Variants in SEPTIN9 observed in about 807,000 individuals in gnomAD.
SEPTIN9 encodes the protein septin 9, also known as septin-9.
In SEPTIN9, 13 loss-of-function variants were observed where a neutral mutation model predicts 56.6. The observed-to-expected ratio is 0.23, with a 90% CI of 0.15 to 0.37. The LOEUF (loss-of-function observed/expected upper bound fraction) is 0.37, where lower values mean the gene tolerates loss of function less well. Among genes scored for constraint, SEPTIN9 ranks in the 10% least tolerant of loss-of-function variants. The pLI, the probability that SEPTIN9 is intolerant of heterozygous loss-of-function variation, is 1.00. For synonymous variants in SEPTIN9, 332 were observed against 334.1 expected (o/e 0.99, Z 0.07); for missense variants, 650 against 823.1 (o/e 0.79, Z 2.57).
chr17:77,378,471 C>T (rs981010695), intron 2 of SEPTIN9, among the ~76,000 whole-genome samples: 5 of 152,140 alleles, frequency 3.3e-5, no homozygotes, highest in Admixed American at 2.0e-4. Context: ...CTGCCTCCTA[C>T]GGGTGTGGTG....
chr17:77,396,626 G>C (rs1296959070), intron 2 of SEPTIN9, among the ~76,000 whole-genome samples: 1 of 152,160 alleles, frequency 6.6e-6, no homozygotes, highest in Non-Finnish European at 1.5e-5. Flanking sequence ...CAGGACCCAG[G>C]GCGCAGTCTT....
intron 2 of SEPTIN9, chr17:77,322,549 G>A (rs1024251176): frequency 2.6e-5 from 4 of 152,268 alleles, no homozygotes; most frequent in Non-Finnish European, 5.9e-5. Flanking sequence ...CTTTAGCGCT[G>A]GTCTTTAATT....
At chr17:77,351,840 A>G (rs998779201) in intron 2 of SEPTIN9, among the ~76,000 whole-genome samples, 2 of 152,230 alleles carry the variant, frequency 1.3e-5, no homozygotes, top group Non-Finnish European at 2.9e-5. Context: ...CCAAGTGTGA[A>G]CAGGAGAGAG....
At chr17:77,342,651 A>C (rs1326163724) in intron 2 of SEPTIN9, among the ~76,000 whole-genome samples, 1 of 152,188 alleles carries the variant, frequency 6.6e-6, no homozygotes, top group East Asian at 1.9e-4. Context: ...GGGATCACAA[A>C]GGGGTGACAT....
Position 77,433,542 on chromosome 17 carries a change from C to T in SEPTIN9, c.721+30839C>T, listed in dbSNP as rs1405262382. 1.1e-4 allele frequency among the ~76,000 whole-genome samples: 17 copies of T among 152,272 alleles called. No individual in the cohort carries two copies. The highest frequency in any genetic ancestry group is 5.8e-4 in the East Asian group (3 of 5,184). ...GCCCCAGCCACGTTCCCACCCACCC[C>T]GAGGCCCAGCATGGCCATGCCGGAA... is the stretch of plus-strand genomic sequence containing the variant. On this transcript the variant is annotated intron_variant, in intron 3 of 11. Transcript: ENST00000427177. The surrounding 1 kb of genome is among the most constrained non-coding windows in gnomAD (Gnocchi z 6.4).
intron 3 of SEPTIN9, among the ~76,000 whole-genome samples, chr17:77,438,560 A>C (rs1224166695): frequency 6.6e-6 from 1 of 152,182 alleles, no homozygotes. Flanking sequence ...TTAAAAGCGC[A>C]ATAGACCATC....
rs1340882964 is a variant in SEPTIN9, at chr17:77,433,789, C to A, written c.721+31086C>A. On this transcript the variant is annotated intron_variant, in intron 3 of 11. Coordinates refer to ENST00000427177, the MANE Select transcript of SEPTIN9 (RefSeq NM_001113491.2). This position sits in a 1 kb window ranked among gnomAD's most constrained non-coding sequence, Gnocchi z 6.4. The stretch of plus-strand genomic sequence containing the variant: ...GGGAGTGCACCCCTGCCCTCCCCTC[C>A]TGGGTATCCCCTGCGCCCCCCGCCC... Among the ~76,000 whole-genome samples the A allele has an allele frequency of 6.6e-6, 1 of 152,038 alleles. No homozygotes were observed. Among genetic ancestry groups the A allele is most frequent in the African/African-American group, 2.4e-5 (1 of 41,374 alleles).
In SEPTIN9 at chr17:77,405,429, G is replaced by T. The variant is rs561621022; in HGVS notation, c.721+2726G>T. ...AGAGCTGCCAGGAACCTGGCGCTCT[G>T]GGGGGACGGTGGCTTTCTCCATGGA... On this transcript the variant is annotated intron_variant, in intron 3 of 11. Coordinates refer to ENST00000427177, the MANE Select transcript of SEPTIN9 (RefSeq NM_001113491.2). The surrounding 1 kb of genome is among the most constrained non-coding windows in gnomAD (Gnocchi z 5.8). Among the ~76,000 whole-genome samples the T allele has an allele frequency of 1.5e-4, 23 of 152,310 alleles. No homozygotes were observed. Among genetic ancestry groups the T allele is most frequent in the African/African-American group, 4.6e-4 (19 of 41,550 alleles).
rs2033272771 is a variant in SEPTIN9, at chr17:77,329,651, T to G, written c.76+22454T>G. Among the ~76,000 whole-genome samples the G allele has an allele frequency of 1.3e-5, 2 of 152,128 alleles. No individual in the cohort carries two copies. Among genetic ancestry groups the G allele is most frequent in the Non-Finnish European group, 2.9e-5 (2 of 68,008 alleles). Reference sequence around the variant, plus strand: ...AGGGACATGGTGAGCCCTGGTGTGATGCACTTAACACCTGCTGGTGCCCCC... The same window carrying G: ...AGGGACATGGTGAGCCCTGGTGTGAGGCACTTAACACCTGCTGGTGCCCCC... On this transcript the variant is annotated intron_variant, in intron 2 of 11. Transcript: ENST00000427177. This position sits in a 1 kb window ranked among gnomAD's most constrained non-coding sequence, Gnocchi z 4.3.
chr17:77,318,891 C>A lies in SEPTIN9; in HGVS notation c.76+11694C>A, dbSNP rs1033487559. On this transcript the variant is annotated intron_variant, in intron 2 of 11. Transcript: ENST00000427177. This position sits in a 1 kb window ranked among gnomAD's most constrained non-coding sequence, Gnocchi z 4.9. ...AAACTCAGAGGCCTGCGGGGTGTGT[C>A]GAGGTAGAGGGGTGCAAATATTGTA... Among the ~76,000 whole-genome samples the A allele has an allele frequency of 1.3e-5, 2 of 152,030 alleles. No individual in the cohort carries two copies. The highest frequency in any genetic ancestry group is 1.3e-4 in the Admixed American group (2 of 15,266).
At chr17:77,361,428 A>G (rs1019543026) in intron 2 of SEPTIN9, among the ~76,000 whole-genome samples, 1 of 152,174 alleles carries the variant, frequency 6.6e-6, no homozygotes. Flanking sequence ...TGGGAATCAC[A>G]GAGCTTGCTG....
At chr17:77,368,315 GTT>G (rs141081064) in intron 2 of SEPTIN9, among the ~76,000 whole-genome samples, 4 of 143,404 alleles carry the variant, frequency 2.8e-5, no homozygotes, top group African/African-American at 5.1e-5. Flanking sequence ...TTTTGTTTTT[GTT>G]TTTTTTTTTT....
chr17:77,356,906 G>A (rs74000213), intron 2 of SEPTIN9, among the ~76,000 whole-genome samples: 1,785 of 150,104 alleles, frequency 0.012, 35 homozygotes, highest in African/African-American at 0.041. Flanking sequence ...AGGGGAAGGC[G>A]CCGTGGTAGG....
chr17:77,322,129 C>T (rs544390835), intron 2 of SEPTIN9, among the ~76,000 whole-genome samples: 5 of 152,308 alleles, frequency 3.3e-5, no homozygotes, highest in South Asian at 2.1e-4. Context: ...ATGATCTAGC[C>T]GAGGCCCAGA....
At chr17:77,448,126 A>G (rs1315713288) in intron 3 of SEPTIN9, among the ~76,000 whole-genome samples, 1 of 152,178 alleles carries the variant, frequency 6.6e-6, no homozygotes, top group Non-Finnish European at 1.5e-5. Flanking sequence ...AAATCATAAT[A>G]TGGTCCAAAT....
intron 1 of SEPTIN9, among the ~76,000 whole-genome samples, chr17:77,304,700 T>G (rs1047598643): frequency 5.7e-4 from 87 of 152,178 alleles, no homozygotes; most frequent in African/African-American, 2.0e-3. Flanking sequence ...GTTTCCACAG[T>G]GGGGTGTGCT....
intron 3 of SEPTIN9, among the ~76,000 whole-genome samples, chr17:77,463,124 G>A (rs1276676494): frequency 6.6e-6 from 1 of 152,180 alleles, no homozygotes; most frequent in African/African-American, 2.4e-5. Context: ...CTGGGTGTAG[G>A]GAGGGCACCT....
chr17:77,401,139 G>C (rs2035883106), intron 2 of SEPTIN9, among the ~76,000 whole-genome samples: 1 of 152,150 alleles, frequency 6.6e-6, no homozygotes, highest in Admixed American at 6.5e-5. Flanking sequence ...GTCTGGCTCT[G>C]TGTCTACCCC....
chr17:77,288,856 G>A (rs764713862), intron 1 of SEPTIN9, among the ~76,000 whole-genome samples: 12 of 152,190 alleles, frequency 7.9e-5, no homozygotes, highest in African/African-American at 2.7e-4. Flanking sequence ...TGGAGGCACC[G>A]GTAGTGGAAG....
Sources: gnomAD v4.1 joint callset for allele counts (sites outside exome capture counted in the v4.1 genomes callset) on GRCh38, gnomAD v4.1.1 for gene constraint, Gnocchi (gnomAD v3.1) non-coding constraint, MANE v1.5 for transcripts, NCBI Gene and HGNC (gene_info 2026-07-23, HGNC 2026-07-21) for gene names.